The following PHEX variants were observed in gnomAD, a reference collection of about 807,000 sequenced individuals.
The protein encoded by PHEX is phosphate regulating endopeptidase X-linked.
In PHEX, 16 loss-of-function variants were observed where a neutral mutation model predicts 68.0. The ratio of observed to expected loss-of-function variants is 0.24; its 90% CI spans 0.16 to 0.36. The LOEUF is 0.36. Ranked by LOEUF, PHEX falls within the 10% of genes least tolerant of loss-of-function variation. The pLI is 1.00. For missense variants in PHEX, 480 were observed against 575.5 expected (o/e 0.83, Z 1.70); for synonymous variants, 208 against 205.1 (o/e 1.01, Z -0.12).
chrX:22,231,735 A>AT (rs1254557576), intron 20 of PHEX, among the ~76,000 whole-genome samples: 4 of 111,097 alleles, frequency 3.6e-5, no homozygotes, highest in Admixed American at 9.5e-5. Flanking sequence ...GGATTCATTG[A>AT]TTTTTTGAAG....
intron 3 of PHEX, among the ~76,000 whole-genome samples, chrX:22,050,347 G>T: frequency 9.0e-6 from 1 of 111,344 alleles, no homozygotes; most frequent in Non-Finnish European, 1.9e-5. Context: ...GAAGAACAAG[G>T]CGGGTGGATC....
chrX:22,072,062 A>G (rs1235167622), intron 3 of PHEX, among the ~76,000 whole-genome samples: 1 of 112,631 alleles, frequency 8.9e-6, no homozygotes, highest in African/African-American at 3.2e-5. Flanking sequence ...CCCCACCTCT[A>G]CTAATAATAC....
At chrX:22,077,018 T>C (rs990164786) in intron 4 of PHEX, among the ~76,000 whole-genome samples, 1 of 112,117 alleles carries the variant, frequency 8.9e-6, no homozygotes, top group African/African-American at 3.2e-5. Flanking sequence ...GTGGGAAGTG[T>C]GTCAACTGGT....
chrX:22,099,045 A>C lies in PHEX; in HGVS notation c.973A>C (p.Arg325=), dbSNP rs781713539. The change falls in exon 9 of 22, where the codon AGA becomes CGA. Residue 325 remains arginine, a synonymous_variant. Coordinates refer to ENST00000379374, the MANE Select transcript of PHEX (RefSeq NM_000444.6). Reference sequence around the variant, plus strand: ...CTACATCAAGAAGGTCATTGACACCAGACTCTACCCCCATCTGAAAGACAT... The same window carrying C: ...CTACATCAAGAAGGTCATTGACACCCGACTCTACCCCCATCTGAAAGACAT... ...LGYIKKVIDT[R]LYPHLKDISP... 1 of 1,209,032 alleles carries C rather than the reference A, an allele frequency of 8.3e-7. No homozygotes were observed. The highest frequency in any genetic ancestry group is 1.8e-5 in the South Asian group (1 of 56,895).
chrX:22,142,547 T>G (rs1054851357), intron 12 of PHEX, among the ~76,000 whole-genome samples: 4 of 112,131 alleles, frequency 3.6e-5, no homozygotes, highest in African/African-American at 1.3e-4. Flanking sequence ...TTGGGGTTAT[T>G]ATGAATGGAC....
chrX:22,038,540 A>G lies in PHEX; in HGVS notation c.187+3A>G, dbSNP rs1411757584. 1 of 1,148,124 alleles carries G rather than the reference A, an allele frequency of 8.7e-7. No homozygotes were observed. Among genetic ancestry groups the G allele is most frequent in the Admixed American group, 2.2e-5 (1 of 45,963 alleles). 94.6% of individuals were successfully genotyped at this position (1,148,124 alleles called of 1,213,427 possible). On this transcript the variant is annotated splice_donor_region_variant and intron_variant, in intron 2 of 21. Coordinates refer to ENST00000379374, the MANE Select transcript of PHEX (RefSeq NM_000444.6). ...GAAGCCAGAATGCATCGAAGCGGGT[A>G]AGTCACAGTTTTCCATCCTGTGTCA...
Position 22,090,380 on chromosome X carries a change from G to A in PHEX, c.664-49G>A, listed in dbSNP as rs145091318. The A allele has an allele frequency of 1.0e-3, 1,031 of 989,279 alleles. 3 individuals carry two copies. In the African/African-American group the frequency reaches 0.016, roughly 16 times the overall value. 81.5% of individuals were successfully genotyped at this position (989,279 alleles called of 1,213,427 possible). The stretch of plus-strand genomic sequence containing the variant: ...TTCATCACTCTTGTTAACATGGTAC[G>A]TAAGAATTTACAGTGCTAGCAGAAT... On this transcript the variant is annotated intron_variant, in intron 5 of 21. Coordinates refer to ENST00000379374, the MANE Select transcript of PHEX (RefSeq NM_000444.6).
intron 12 of PHEX, among the ~76,000 whole-genome samples, chrX:22,167,545 G>A (rs1933374316): frequency 1.0e-5 from 1 of 98,033 alleles, no homozygotes; most frequent in African/African-American, 3.9e-5. Flanking sequence ...AGGCTGGAGT[G>A]CAGTAGTGTG....
intron 14 of PHEX, among the ~76,000 whole-genome samples, chrX:22,182,471 A>T (rs943713650): frequency 9.0e-6 from 1 of 111,120 alleles, no homozygotes; most frequent in Non-Finnish European, 1.9e-5. Flanking sequence ...GAATGAGGGA[A>T]GGACGGTATA....
chrX:22,246,079 A>G (rs902397838), intron 21 of PHEX, among the ~76,000 whole-genome samples: 1 of 111,907 alleles, frequency 8.9e-6, no homozygotes. Context: ...TTCAGGTGGG[A>G]TCATATTTTG....
intron 3 of PHEX, among the ~76,000 whole-genome samples, chrX:22,071,015 T>C (rs955524721): frequency 3.6e-5 from 4 of 112,105 alleles, no homozygotes; most frequent in Non-Finnish European, 7.5e-5. Context: ...TTATGAACTC[T>C]TGACTAAGCA....
intron 2 of PHEX, among the ~76,000 whole-genome samples, chrX:22,039,671 C>T (rs935834694): frequency 8.9e-5 from 10 of 112,117 alleles, no homozygotes; most frequent in African/African-American, 1.9e-4. Context: ...GGCTCAGAGC[C>T]GGTACTAGTT....
intron 12 of PHEX, among the ~76,000 whole-genome samples, chrX:22,161,043 C>T (rs1933107814): frequency 9.2e-6 from 1 of 109,130 alleles, no homozygotes; most frequent in Admixed American, 9.8e-5. Flanking sequence ...GAGGCTGAAG[C>T]AGAAGATGCT....
At chrX:22,206,821 G>A (rs1337800419) in intron 15 of PHEX, among the ~76,000 whole-genome samples, 1 of 111,221 alleles carries the variant, frequency 9.0e-6, no homozygotes, top group Non-Finnish European at 1.9e-5. Flanking sequence ...GGAATAATGT[G>A]CTAAATTTGT....
At chrX:22,193,488 G>T (rs1381380305) in intron 15 of PHEX, among the ~76,000 whole-genome samples, 1 of 111,395 alleles carries the variant, frequency 9.0e-6, no homozygotes, top group African/African-American at 3.3e-5. Flanking sequence ...TATCCCTAAA[G>T]AATATGTTGT....
At position 22,082,364 on chromosome X, in the gene PHEX, C is replaced by T. The variant is rs538476140; in HGVS notation, c.663+4662C>T. Among the ~76,000 whole-genome samples the T allele has an allele frequency of 1.6e-4, 18 of 112,219 alleles. No individual in the cohort carries two copies. The South Asian group carries it at 6.2e-3, about 39-fold the overall frequency. ...TTCTTTTTCCTTATATCCATGCCAACATCTATTATTTATTGACTTTTTGAT... is the reference window on the plus strand; with the variant it reads ...TTCTTTTTCCTTATATCCATGCCAATATCTATTATTTATTGACTTTTTGAT... On this transcript the variant is annotated intron_variant, in intron 5 of 21. Coordinates refer to ENST00000379374, the MANE Select transcript of PHEX (RefSeq NM_000444.6).
chrX:22,052,048 ACTAT>A (rs1927858037), intron 3 of PHEX, among the ~76,000 whole-genome samples: 1 of 111,424 alleles, frequency 9.0e-6, no homozygotes, highest in African/African-American at 3.3e-5. Context: ...TAGTCATCCA[ACTAT>A]CTATTCATTT....
chrX:22,245,025 T>G (rs1164288190), intron 20 of PHEX, among the ~76,000 whole-genome samples: 1 of 111,970 alleles, frequency 8.9e-6, no homozygotes, highest in Non-Finnish European at 1.9e-5. Context: ...ATTTCAAACA[T>G]TAAATTCATT....
chrX:22,238,317 C>G (rs992497493), intron 20 of PHEX, among the ~76,000 whole-genome samples: 5 of 111,630 alleles, frequency 4.5e-5, no homozygotes, highest in Non-Finnish European at 9.4e-5. Flanking sequence ...TCACTTCACC[C>G]GGGAAGCACA....
Sources: gnomAD v4.1 joint callset for allele counts (sites outside exome capture counted in the v4.1 genomes callset) on GRCh38, gnomAD v4.1.1 for gene constraint, MANE v1.5 for transcripts, NCBI Gene and HGNC (gene_info 2026-07-23, HGNC 2026-07-21) for gene names.